Variants in EPHA6 observed in about 807,000 individuals in gnomAD.
EPHA6 encodes EPH receptor A6.
EPHA6 carries 50 observed loss-of-function variants against 112.0 expected under a neutral mutation model. The observed-to-expected ratio is 0.45, with a 90% confidence interval of 0.36 to 0.56. EPHA6 has a LOEUF of 0.56. Among genes scored for constraint, EPHA6 ranks in the 20% least tolerant of loss-of-function variants. The probability of loss-of-function intolerance (pLI) is 0.00; values close to 1 mark genes in which losing one functional copy is unlikely to be tolerated. For synonymous variants in EPHA6, 529 were observed against 490.7 expected (o/e 1.08, Z -1.03); for missense variants, 1,280 against 1,417.4 (o/e 0.90, Z 1.56).
chr3:97,112,109 T>G (rs1241728240), intron 3 of EPHA6, among the ~76,000 whole-genome samples: 4 of 152,156 alleles, frequency 2.6e-5, no homozygotes, highest in Non-Finnish European at 5.9e-5. Context: ...TGTAGTAATA[T>G]GAGGTTCATA....
intron 5 of EPHA6, among the ~76,000 whole-genome samples, chr3:97,335,555 A>G (rs2083016539): frequency 6.6e-6 from 1 of 152,004 alleles, no homozygotes; most frequent in Non-Finnish European, 1.5e-5. Context: ...CTGTTCCTTT[A>G]TGGCACTATT....
intron 2 of EPHA6, among the ~76,000 whole-genome samples, chr3:96,952,188 G>A (rs746251316): frequency 5.3e-5 from 8 of 152,132 alleles, no homozygotes; most frequent in South Asian, 2.1e-4. Context: ...GTGGTCTGAC[G>A]CGTGTTAAAT....
In EPHA6 at chr3:97,025,524, C is replaced by A. The variant is rs1055368115; in HGVS notation, c.1114+37531C>A. 2.0e-5 allele frequency among the ~76,000 whole-genome samples: 3 copies of A among 152,142 alleles called. No homozygotes were observed. In the East Asian group the frequency reaches 5.8e-4, roughly 29 times the overall value. ...CTAGTTTTTGCTTTTGTTGCAATTG[C>A]TTTCAGTGTCTTCATGAAATCTTTG... On this transcript the variant is annotated intron_variant, in intron 3 of 17. Transcript: ENST00000389672.
chr3:97,098,903 TA>T (rs771271051), intron 3 of EPHA6, among the ~76,000 whole-genome samples: 3 of 151,944 alleles, frequency 2.0e-5, no homozygotes, highest in African/African-American at 4.8e-5. Flanking sequence ...ACAGTTCTAT[TA>T]TATTCTCATT....
chr3:97,090,855 T>C (rs1185197394), intron 3 of EPHA6, among the ~76,000 whole-genome samples: 1 of 152,054 alleles, frequency 6.6e-6, no homozygotes, highest in Non-Finnish European at 1.5e-5. Context: ...TTAGATAGAA[T>C]GAGGAATAAT....
chr3:97,561,381 A>C (rs1400717094), intron 11 of EPHA6, among the ~76,000 whole-genome samples: 1 of 152,082 alleles, frequency 6.6e-6, no homozygotes, highest in Non-Finnish European at 1.5e-5. Flanking sequence ...ATTGAACTCT[A>C]CAATGAGAAG....
intron 1 of EPHA6, among the ~76,000 whole-genome samples, chr3:96,865,747 G>A (rs1230544591): frequency 1.4e-5 from 2 of 142,504 alleles, no homozygotes; most frequent in Non-Finnish European, 3.1e-5. Flanking sequence ...TTAACAAGAT[G>A]AAAAACCAAA....
At chr3:97,270,369 G>A (rs1410694200) in intron 5 of EPHA6, among the ~76,000 whole-genome samples, 1 of 152,006 alleles carries the variant, frequency 6.6e-6, no homozygotes, top group African/African-American at 2.4e-5. Flanking sequence ...TTTTTCCCTT[G>A]TGGGTTAAGA....
intron 3 of EPHA6, among the ~76,000 whole-genome samples, chr3:96,995,079 T>C (rs2043370740): frequency 6.6e-6 from 1 of 152,094 alleles, no homozygotes; most frequent in South Asian, 2.1e-4. Context: ...GTAAATGGGA[T>C]ATACAGGGCC....
intron 5 of EPHA6, among the ~76,000 whole-genome samples, chr3:97,365,342 A>G (rs896568285): frequency 3.3e-5 from 5 of 152,124 alleles, no homozygotes; most frequent in African/African-American, 1.2e-4. Flanking sequence ...ATACTACCCT[A>G]CAGACATCAT....
chr3:97,051,503 T>C (rs1220640591), intron 3 of EPHA6, among the ~76,000 whole-genome samples: 1 of 152,142 alleles, frequency 6.6e-6, no homozygotes, highest in Non-Finnish European at 1.5e-5. Context: ...CAGAGTCTCA[T>C]AGTCATGTCA....
At chr3:97,218,743 T>C (rs2078106033) in intron 3 of EPHA6, among the ~76,000 whole-genome samples, 1 of 152,134 alleles carries the variant, frequency 6.6e-6, no homozygotes, top group African/African-American at 2.4e-5. Context: ...ATGATACCAA[T>C]CATGCCTTCC....
At chr3:96,917,418 CA>C (rs5851049) in intron 2 of EPHA6, among the ~76,000 whole-genome samples, 9,493 of 58,128 alleles carry the variant, frequency 0.16, 234 homozygotes, top group East Asian at 0.29. Flanking sequence ...GACTCCATCT[CA>C]AAAAAAAAAA....
chr3:97,390,903 T>C (rs1577209504), intron 5 of EPHA6, among the ~76,000 whole-genome samples: 1 of 152,164 alleles, frequency 6.6e-6, no homozygotes, highest in Non-Finnish European at 1.5e-5. Context: ...TATTTTTGCT[T>C]TTGTTTCCCA....
At chr3:97,077,556 CT>C (rs1369504833) in intron 3 of EPHA6, among the ~76,000 whole-genome samples, 4 of 151,798 alleles carry the variant, frequency 2.6e-5, no homozygotes, top group Non-Finnish European at 5.9e-5. Flanking sequence ...TCCCCCTCCC[CT>C]GACAGGCCCC....
intron 3 of EPHA6, among the ~76,000 whole-genome samples, chr3:96,991,232 A>G (rs1369271468): frequency 1.2e-4 from 18 of 152,222 alleles, no homozygotes; most frequent in Admixed American, 1.2e-3. Flanking sequence ...TAAATAAGGC[A>G]TATGTTTCTG....
chr3:97,068,483 C>T (rs780770453), intron 3 of EPHA6, among the ~76,000 whole-genome samples: 5 of 151,964 alleles, frequency 3.3e-5, no homozygotes, highest in Admixed American at 6.6e-5. Context: ...AGTCAGCAAG[C>T]GACAGATGAA....
chr3:97,409,766 C>G (rs2107107638), intron 6 of EPHA6, among the ~76,000 whole-genome samples: 1 of 152,158 alleles, frequency 6.6e-6, no homozygotes, highest in South Asian at 2.1e-4. Flanking sequence ...GACACTGTGA[C>G]TGTTAAAGTC....
intron 6 of EPHA6, among the ~76,000 whole-genome samples, chr3:97,429,532 T>A (rs1193498469): frequency 2.6e-5 from 4 of 152,198 alleles, no homozygotes; most frequent in African/African-American, 7.2e-5. Context: ...TTATTTCTTA[T>A]CTGTTCTTAA....
Sources: gnomAD v4.1 joint callset for allele counts (sites outside exome capture counted in the v4.1 genomes callset) on GRCh38, gnomAD v4.1.1 for gene constraint, MANE v1.5 for transcripts, NCBI Gene and HGNC (gene_info 2026-07-23, HGNC 2026-07-21) for gene names.